The following UBAP2L variants were observed in gnomAD, a reference collection of about 807,000 sequenced individuals.
The protein encoded by UBAP2L is ubiquitin-associated protein 2-like.
A neutral mutation model predicts 130.6 loss-of-function variants in UBAP2L; 12 were observed. The observed-to-expected ratio is 0.09, with a 90% CI of 0.06 to 0.15. UBAP2L has a LOEUF of 0.15. Ranked by LOEUF, UBAP2L falls within the 10% of genes least tolerant of loss-of-function variation. UBAP2L has a pLI of 1.00. For missense variants in UBAP2L, 965 were observed against 1,332.5 expected (o/e 0.72, Z 4.29); for synonymous variants, 503 against 524.7 (o/e 0.96, Z 0.57).
At chr1:154,257,039 CT>C in intron 18 of UBAP2L, 23 bp from the exon 19 acceptor site, 4 of 1,605,826 alleles carry the variant, frequency 2.5e-6, no homozygotes, top group Non-Finnish European at 3.4e-6. Flanking sequence ...CTTCTTCTCT[CT>C]TCCACTGCTC....
chr1:154,260,384 G>A (rs150105156), intron 22 of UBAP2L, among the ~76,000 whole-genome samples: 1 of 152,326 alleles, frequency 6.6e-6, no homozygotes, highest in African/African-American at 2.4e-5. Context: ...CCATTTGCTA[G>A]CTTTTTCCAG....
downstream of UBAP2L, chr1:154,270,867 C>T: frequency 6.8e-7 from 1 of 1,470,990 alleles, no homozygotes; most frequent in South Asian, 1.2e-5. Flanking sequence ...TCTGCCTATT[C>T]TTGCTCCGTC....
Position 154,228,586 on chromosome 1 carries a change from C to A in UBAP2L, c.169-29C>A, listed in dbSNP as rs776480806. The A allele has an allele frequency of 5.8e-6, 9 of 1,543,082 alleles. No homozygotes were observed. The Admixed American group carries it at 1.2e-4, about 20-fold the overall frequency. On this transcript the variant is annotated intron_variant, in intron 3 of 26. Transcript: ENST00000428931. ...TTGGGAGTGTGAGCATAAGCCTGTTCATGATGGTTGCTGTTTTTTCTCTTT... is the reference window on the plus strand; with the variant it reads ...TTGGGAGTGTGAGCATAAGCCTGTTAATGATGGTTGCTGTTTTTTCTCTTT...
intron 6 of UBAP2L, among the ~76,000 whole-genome samples, chr1:154,235,519 A>AT (rs1307640759): frequency 1.3e-5 from 2 of 151,366 alleles, no homozygotes; most frequent in East Asian, 1.9e-4. Context: ...TGCCTGGCTA[A>AT]TTTTTTTTGA....
chr1:154,220,724 G>A (rs1167313836), upstream of UBAP2L: 2 of 381,278 alleles, frequency 5.2e-6, no homozygotes, highest in East Asian at 5.2e-5. Flanking sequence ...GGTGGAGGCA[G>A]GGCCGCCGTG....
chr1:154,251,162 C>A lies in UBAP2L; in HGVS notation c.1335C>A (p.Ser445=). The part of the protein sequence containing the change: ...LQEKSPAVAT[S]TAAPPPPSSP... ...AGAAGTCACCTGCAGTGGCTACCTC[C>A]ACAGCTGCACCTCCACCTCCGTCTT... The change falls in exon 13 of 27, where the codon TCC becomes TCA. Residue 445 remains serine (S), a synonymous_variant. Coordinates refer to ENST00000428931, the MANE Select transcript of UBAP2L (RefSeq NM_014847.4). 3.1e-6 allele frequency: 5 copies of A among 1,614,140 alleles called. No homozygotes were observed. Among genetic ancestry groups the A allele is most frequent in the Non-Finnish European group, 4.2e-6 (5 of 1,180,036 alleles).
In UBAP2L at chr1:154,225,088, C is replaced by G; in HGVS notation, c.-36C>G. 1.2e-6 allele frequency: 2 copies of G among 1,604,484 alleles called. No individual in the cohort carries two copies. Among genetic ancestry groups the G allele is most frequent in the Non-Finnish European group, 8.5e-7 (1 of 1,171,948 alleles). Reference sequence around the variant, plus strand: ...ATTTTCTTTTAAATCTTTCAGTATTCTACCTTGTAAATACTGTTATTTGTA... The same window carrying G: ...ATTTTCTTTTAAATCTTTCAGTATTGTACCTTGTAAATACTGTTATTTGTA... On this transcript the variant is annotated 5_prime_UTR_variant, in exon 2 of 27. Coordinates refer to ENST00000428931, the MANE Select transcript of UBAP2L (RefSeq NM_014847.4).
chr1:154,227,441 A>G (rs1668330992), intron 3 of UBAP2L, 82 bp downstream of exon 3: 1 of 1,261,042 alleles, frequency 7.9e-7, no homozygotes, highest in East Asian at 2.3e-5. Context: ...GATGGATGCC[A>G]GGATACTTTC....
intron 25 of UBAP2L, 149 bp downstream of exon 25, chr1:154,266,717 GACTTC>G (rs1683333919): frequency 1.3e-6 from 1 of 791,804 alleles, no homozygotes; most frequent in South Asian, 1.7e-5. Context: ...GTCTTCTCTA[GACTTC>G]ACTTCCTCTA....
chr1:154,250,866 A>G (rs1297305516), intron 12 of UBAP2L, among the ~76,000 whole-genome samples, 175 bp from the exon 13 acceptor site: 1 of 151,892 alleles, frequency 6.6e-6, no homozygotes, highest in Non-Finnish European at 1.5e-5. Context: ...AAAAAAAAAA[A>G]AGATGTAATC....
chr1:154,260,661 C>T (rs1681257985), intron 22 of UBAP2L, among the ~76,000 whole-genome samples: 1 of 152,200 alleles, frequency 6.6e-6, no homozygotes, highest in Admixed American at 6.5e-5. Context: ...ATTCCAAGAG[C>T]CTCCTGCCAT....
In UBAP2L at chr1:154,254,832, C is replaced by A. The variant is rs1679082536; in HGVS notation, c.1855-4C>A. On this transcript the variant is annotated splice_region_variant and splice_polypyrimidine_tract_variant and intron_variant, in intron 15 of 26. Transcript: ENST00000428931. ...TGCTCTTCTGTTTTTTTTTTTTTTA[C>A]CAGAATGGCTTCAGTTCTGTGCAGG... 2 of 1,513,838 alleles carry A rather than the reference C, an allele frequency of 1.3e-6. No homozygotes were observed. The highest frequency in any genetic ancestry group is 8.8e-7 in the Non-Finnish European group (1 of 1,136,136). 93.8% of individuals were successfully genotyped at this position (1,513,838 alleles called of 1,614,324 possible).
chr1:154,263,897 A>G (rs989259745), intron 24 of UBAP2L, among the ~76,000 whole-genome samples: 2 of 152,326 alleles, frequency 1.3e-5, no homozygotes, highest in Admixed American at 1.3e-4. Context: ...TCCCACATCT[A>G]TCTGGTTCCT....
At chr1:154,266,676 G>A in intron 25 of UBAP2L, 108 bp downstream of exon 25, 3 of 1,160,126 alleles carry the variant, frequency 2.6e-6, no homozygotes, top group Non-Finnish European at 3.9e-6. Context: ...AGAGGTGGCA[G>A]GAAACCCATC....
rs370017648 is a variant in UBAP2L, at chr1:154,270,770, G to GTTTTTTTTTTTTTTT, written c.*477_*491dup. On this transcript the variant is annotated 3_prime_UTR_variant, in exon 27 of 27. Transcript: ENST00000428931. ...AATTAGTTGAAGTGGTTTTTTTTTT[G>GTTTTTTTTTTTTTTT]TTTTTTTTTTTTTTTTGTACTGTGT... The GTTTTTTTTTTTTTTT allele has an allele frequency of 1.9e-4, 178 of 921,770 alleles. 4 individuals carry two copies. The highest frequency in any genetic ancestry group is 5.8e-4 in the South Asian group (20 of 34,282). 57.1% of individuals were successfully genotyped at this position (921,770 alleles called of 1,614,324 possible).
chr1:154,269,872 T>G (rs1572007162), intron 26 of UBAP2L, among the ~76,000 whole-genome samples: 1 of 152,118 alleles, frequency 6.6e-6, no homozygotes, highest in Non-Finnish European at 1.5e-5. Context: ...GAAATGAAAT[T>G]GCCTTGTGAT....
chr1:154,266,852 A>C (rs1558236113), intron 25 of UBAP2L, among the ~76,000 whole-genome samples: 1 of 140,736 alleles, frequency 7.1e-6, no homozygotes, highest in Non-Finnish European at 1.6e-5. Context: ...CCCTTTTCCT[A>C]CCTACTCCCA....
intron 24 of UBAP2L, among the ~76,000 whole-genome samples, chr1:154,266,110 A>G (rs1452064000): frequency 6.6e-6 from 1 of 152,202 alleles, no homozygotes; most frequent in Non-Finnish European, 1.5e-5. Flanking sequence ...CCCAGTCTCC[A>G]GGAATAAAAC....
chr1:154,259,639 A>G (rs573301067), intron 21 of UBAP2L: 9 of 412,386 alleles, frequency 2.2e-5, no homozygotes, highest in Non-Finnish European at 4.0e-5. Flanking sequence ...CTGTTTTCTC[A>G]GTAGAATAAG....
Sources: gnomAD v4.1 joint callset for allele counts (sites outside exome capture counted in the v4.1 genomes callset) on GRCh38, gnomAD v4.1.1 for gene constraint, MANE v1.5 for transcripts, NCBI Gene and HGNC (gene_info 2026-07-23, HGNC 2026-07-21) for gene names.